Variants in BEST4 observed in about 807,000 individuals in gnomAD.
BEST4 encodes bestrophin-4.
In BEST4, 36 loss-of-function variants were observed where a neutral mutation model predicts 47.1. The observed-to-expected ratio is 0.76, with a 90% confidence interval of 0.59 to 1.01. The LOEUF (loss-of-function observed/expected upper bound fraction) is 1.01. BEST4 is among the 50% of genes least tolerant of loss of function. The probability of loss-of-function intolerance (pLI) is 0.00; values close to 1 mark genes in which losing one functional copy is unlikely to be tolerated. For synonymous variants in BEST4, 250 were observed against 277.8 expected (o/e 0.90, Z 1.00); for missense variants, 550 against 648.6 (o/e 0.85, Z 1.65).
At chr1:44,785,765 G>T in intron 4 of BEST4, 89 bp from the exon 5 acceptor site, 2 of 1,161,152 alleles carry the variant, frequency 1.7e-6, no homozygotes, top group East Asian at 2.6e-5. Flanking sequence ...TGGCCAGGAG[G>T]CTCTTTCTCA....
chr1:44,783,966 G>A lies in BEST4; in HGVS notation c.*244C>T, dbSNP rs2148846084. On this transcript the variant is annotated 3_prime_UTR_variant, in exon 9 of 9. Transcript: ENST00000372207. ...CCTGGGCTCTAGTCCTCTATGCCTG[G>A]GCTCATTTATTTTTCTAGCTTCACG... 2.4e-6 allele frequency: 1 copy of A among 423,404 alleles called. No homozygotes were observed. Among genetic ancestry groups the A allele is most frequent in the Non-Finnish European group, 4.1e-6 (1 of 242,010 alleles). 26.2% of individuals were successfully genotyped at this position (423,404 alleles called of 1,614,324 possible).
Position 44,784,324 on chromosome 1 carries a change from G to T in BEST4, c.1308C>A (p.Thr436=). Residue 436 remains threonine (T), a synonymous_variant, in exon 9 of 9, where the codon ACC becomes ACA. Coordinates refer to ENST00000372207, the MANE Select transcript of BEST4 (RefSeq NM_153274.3). This position sits in a 1 kb window ranked among gnomAD's most constrained non-coding sequence, Gnocchi z 6.2. ...AGCGCAGCAGATGCGGGGGGCGGGG[G>T]GTGCCTCGCACGCGGCCGAAGTTCC... ...SLRNFGRVRG[T]PRPPHLLRFR... 1.4e-6 allele frequency: 2 copies of T among 1,395,778 alleles called. No individual in the cohort carries two copies. The highest frequency in any genetic ancestry group is 1.8e-6 in the Non-Finnish European group (2 of 1,085,306). 86.5% of individuals were successfully genotyped at this position (1,395,778 alleles called of 1,614,324 possible). A position where few individuals can be genotyped will look rare whatever the true frequency, so the allele number is the denominator to read the frequency against.
At chr1:44,790,785 G>A (rs895667498), upstream of BEST4, among the ~76,000 whole-genome samples, 2 of 151,568 alleles carry the variant, frequency 1.3e-5, no homozygotes, top group East Asian at 3.9e-4. Context: ...GGTGGTGTGT[G>A]CCTATAGTCC....
At chr1:44,789,253 AAAAAAGAAAAGAAAG>A (rs1472793752), upstream of BEST4, among the ~76,000 whole-genome samples, 38 of 145,174 alleles carry the variant, frequency 2.6e-4, no homozygotes, top group African/African-American at 9.4e-4. Flanking sequence ...AAAAAAAAAA[AAAAAAGAAAAGAAAG>A]AAAGAAAAAG....
Position 44,784,376 on chromosome 1 carries a change from C to T in BEST4, c.1256G>A (p.Gly419Glu). The T allele has an allele frequency of 7.1e-7, 1 of 1,399,596 alleles. No homozygotes were observed. The highest frequency in any genetic ancestry group is 1.6e-5 in the South Asian group (1 of 63,272). 86.7% of individuals were successfully genotyped at this position (1,399,596 alleles called of 1,614,324 possible). ...GAGGCTGATGGCCGGGGAGGGCGCC[C>T]CTACGCCCAGGAAGCGGCCGAGCAA... ...TPLLGRFLGV[G>E]APSPAISLRN... is the part of the protein sequence containing the mutation. The change falls in exon 9 of 9, where the codon GGG becomes GAG. Residue 419 changes from glycine to glutamate, a missense_variant. Physicochemically the swap from Gly to Glu is moderately conservative, Grantham distance 98 (BLOSUM62 -2). Transcript: ENST00000372207. The surrounding 1 kb of genome is among the most constrained non-coding windows in gnomAD (Gnocchi z 6.2).
downstream of BEST4, among the ~76,000 whole-genome samples, chr1:44,782,711 G>A (rs933786622): frequency 3.3e-5 from 5 of 152,020 alleles, no homozygotes; most frequent in African/African-American, 7.3e-5. Flanking sequence ...ATGGAAAGAA[G>A]CAAAGCCAGC....
At chr1:44,781,943 C>T (rs1397700399), downstream of BEST4, among the ~76,000 whole-genome samples, 1 of 152,150 alleles carries the variant, frequency 6.6e-6, no homozygotes, top group Non-Finnish European at 1.5e-5. Context: ...AGGTGGATCA[C>T]TTGAGGTCAG....
chr1:44,786,544 G>C lies in BEST4; in HGVS notation c.400C>G (p.Leu134Val). ...GAGCGCAGCACCAGCACGGACGCCA[G>C]GTTCGCGTAGCGGATGAGGGTGCGG... ...LRRTLIRYAN[L>V]ASVLVLRSVS... The change falls in exon 3 of 9, where the codon CTG becomes GTG. Residue 134 changes from leucine to valine, a missense_variant. Coordinates refer to ENST00000372207, the MANE Select transcript of BEST4 (RefSeq NM_153274.3). The surrounding 1 kb of genome is among the most constrained non-coding windows in gnomAD (Gnocchi z 4.9). 6.4e-7 allele frequency: 1 copy of C among 1,550,578 alleles called. No homozygotes were observed. Among genetic ancestry groups the C allele is most frequent in the Non-Finnish European group, 8.7e-7 (1 of 1,147,630 alleles).
chr1:44,786,650 T>C lies in BEST4; in HGVS notation c.294A>G (p.Thr98=), dbSNP rs1333373252. 6.4e-7 allele frequency: 1 copy of C among 1,551,562 alleles called. No individual in the cohort carries two copies. The highest frequency in any genetic ancestry group is 1.2e-5 in the South Asian group (1 of 84,058). Residue 98 remains threonine, a synonymous_variant, in exon 3 of 9, where the codon ACA becomes ACG. Coordinates refer to ENST00000372207, the MANE Select transcript of BEST4 (RefSeq NM_153274.3). This position sits in a 1 kb window ranked among gnomAD's most constrained non-coding sequence, Gnocchi z 4.9. ...LVVNRWWSQY[T]SIPLPDQLMC... ...TCAGCTGGTCTGGCAGCGGGATGCT[T>C]GTGTACTGGGACCACCAGCGGTTCA...
At chr1:44,782,672 G>T (rs1326392651), downstream of BEST4, among the ~76,000 whole-genome samples, 2 of 141,220 alleles carry the variant, frequency 1.4e-5, no homozygotes, top group African/African-American at 2.5e-5. Context: ...AAATAAATAA[G>T]AAATATTCAC....
upstream of BEST4, among the ~76,000 whole-genome samples, chr1:44,791,403 G>A (rs376466397): frequency 6.6e-6 from 1 of 152,086 alleles, no homozygotes; most frequent in Non-Finnish European, 1.5e-5. Flanking sequence ...TCTAGGACTT[G>A]GAAAGCCAGG....
upstream of BEST4, among the ~76,000 whole-genome samples, chr1:44,790,336 C>A (rs1187328733): frequency 6.6e-6 from 1 of 152,154 alleles, no homozygotes; most frequent in Non-Finnish European, 1.5e-5. Flanking sequence ...CCACCTCTAC[C>A]CTCATCACCA....
chr1:44,791,764 T>A (rs1573603009), upstream of BEST4, among the ~76,000 whole-genome samples: 1 of 151,844 alleles, frequency 6.6e-6, no homozygotes, highest in East Asian at 1.9e-4. Flanking sequence ...AGCTCTCCTC[T>A]CCCTCCCTAT....
rs1573600332 is a variant in BEST4 at position 44,787,642 on chromosome 1, G to A, written c.64C>T (p.Leu22Phe). 1 of 1,614,224 alleles carries A rather than the reference G, an allele frequency of 6.2e-7. No homozygotes were observed. Among genetic ancestry groups the A allele is most frequent in the South Asian group, 1.1e-5 (1 of 91,088 alleles). Reference sequence around the variant, plus strand: ...TTGTAGATGCTTCCCCTCCAGCGGAGAAGCAGGCCAGAGAAACCTCCGAAG... The same window carrying A: ...TTGTAGATGCTTCCCCTCCAGCGGAAAAGCAGGCCAGAGAAACCTCCGAAG... ...ARFGGFSGLLLRWRGSIYKLL... is the reference protein window; with the variant it reads ...ARFGGFSGLLFRWRGSIYKLL... The change falls in exon 1 of 9, where the codon CTC becomes TTC. Residue 22 changes from leucine to phenylalanine, a missense_variant. Physicochemically the swap from Leu to Phe is conservative, Grantham distance 22. Coordinates refer to ENST00000372207, the MANE Select transcript of BEST4 (RefSeq NM_153274.3).
rs1329530684 is a variant in BEST4, at chr1:44,786,542, C to G, written c.402G>C (p.Leu134=). ...CCGAGCGCAGCACCAGCACGGACGC[C>G]AGGTTCGCGTAGCGGATGAGGGTGC... ...LRRTLIRYAN[L]ASVLVLRSVS... Residue 134 remains leucine (L), a synonymous_variant, in exon 3 of 9, where the codon CTG becomes CTC. Transcript: ENST00000372207. This position sits in a 1 kb window ranked among gnomAD's most constrained non-coding sequence, Gnocchi z 4.9. 4.5e-6 allele frequency: 7 copies of G among 1,550,762 alleles called. No homozygotes were observed. Among genetic ancestry groups the G allele is most frequent in the Non-Finnish European group, 6.1e-6 (7 of 1,147,786 alleles).
At chr1:44,785,970 G>T in intron 4 of BEST4, 104 bp downstream of exon 4, 1 of 1,417,202 alleles carries the variant, frequency 7.1e-7, no homozygotes. Flanking sequence ...CCAAAAGGCT[G>T]GGGTACACAG....
At chr1:44,789,584 G>A (rs1318366177), upstream of BEST4, among the ~76,000 whole-genome samples, 1 of 152,000 alleles carries the variant, frequency 6.6e-6, no homozygotes, top group Non-Finnish European at 1.5e-5. Context: ...TGTAATCCCA[G>A]CTACTCCGGA....
Position 44,784,225 on chromosome 1 carries a change from C to T in BEST4, c.1407G>A (p.Glu469=). The change falls in exon 9 of 9, where the codon GAG becomes GAA. Residue 469 remains glutamate, a synonymous_variant. Coordinates refer to ENST00000372207, the MANE Select transcript of BEST4 (RefSeq NM_153274.3). The surrounding 1 kb of genome is among the most constrained non-coding windows in gnomAD (Gnocchi z 6.2). ...IEEESAESGD[E]ALEP is the part of the protein sequence containing the mutation. ...AGGCGAGACCTCAGGGCTCCAGGGCCTCGTCCCCGGACTCCGCCGATTCCT... is the reference window on the plus strand; with the variant it reads ...AGGCGAGACCTCAGGGCTCCAGGGCTTCGTCCCCGGACTCCGCCGATTCCT... The T allele has an allele frequency of 6.9e-7, 1 of 1,446,940 alleles. No homozygotes were observed. Among genetic ancestry groups the T allele is most frequent in the Non-Finnish European group, 9.0e-7 (1 of 1,109,188 alleles). The allele number at this position is 1,446,940 out of a possible 1,614,324, so 89.6% of individuals were successfully genotyped here. A position where few individuals can be genotyped will look rare whatever the true frequency, so the allele number is the denominator to read the frequency against.
Position 44,786,198 on chromosome 1 carries a change from A to G in BEST4, c.512T>C (p.Phe171Ser). 1 of 1,613,880 alleles carries G rather than the reference A, an allele frequency of 6.2e-7. No homozygotes were observed. The highest frequency in any genetic ancestry group is 8.5e-7 in the Non-Finnish European group (1 of 1,179,896). ...GFMSQEERKKFESLKSDFNKY... is the reference protein window; with the variant it reads ...GFMSQEERKKSESLKSDFNKY... ...GTTGAAGTCGGATTTCAGGCTCTCA[A>G]ACTTTTTCCTCTCTTCCTGGGACAT... The change falls in exon 4 of 9, where the codon TTT becomes TCT. Residue 171 changes from phenylalanine to serine, a missense_variant. This residue lies in a region of BEST4 where 291 missense variants were observed against 342.4 expected (regional missense o/e 0.85). Transcript: ENST00000372207. The surrounding 1 kb of genome is among the most constrained non-coding windows in gnomAD (Gnocchi z 4.9).
Sources: allele counts gnomAD v4.1 joint callset (sites outside exome capture counted in the v4.1 genomes callset), GRCh38; gene constraint gnomAD v4.1.1; regional missense constraint gnomAD v4.1.1; non-coding constraint Gnocchi (gnomAD v3.1); transcripts MANE v1.5; gene names NCBI Gene and HGNC (gene_info 2026-07-23, HGNC 2026-07-21).